Variants in SGK3 observed in about 807,000 individuals in gnomAD.
SGK3 encodes serine/threonine-protein kinase Sgk3.
In SGK3, 47 loss-of-function variants were observed where a neutral mutation model predicts 68.5. That is an observed-to-expected ratio of 0.69 (90% confidence interval 0.54 to 0.87). The LOEUF (loss-of-function observed/expected upper bound fraction) is 0.87. SGK3 is among the 40% of genes least tolerant of loss of function. The pLI is 0.00. For missense variants in SGK3, 479 were observed against 575.5 expected (o/e 0.83, Z 1.72); for synonymous variants, 181 against 189.1 (o/e 0.96, Z 0.35).
At position 66,798,586 on chromosome 8, in the gene SGK3, C is replaced by T. The variant is rs753482896; in HGVS notation, c.141C>T (p.Val47=). The T allele has an allele frequency of 3.7e-6, 6 of 1,611,218 alleles. No individual in the cohort carries two copies. In the Admixed American group the frequency reaches 5.0e-5, roughly 13 times the overall value. ...LVSVGRSEWF[V]FRRYAEFDKL... Reference sequence around the variant, plus strand: ...CAGTGGGAAGAAGTGAATGGTTTGTCTTCAGGAGATATGCAGAGTTTGATA... The same window carrying T: ...CAGTGGGAAGAAGTGAATGGTTTGTTTTCAGGAGATATGCAGAGTTTGATA... The change falls in exon 3 of 17, where the codon GTC becomes GTT. Residue 47 remains valine (V), a synonymous_variant. Transcript: ENST00000521198.
At chr8:66,762,662 TTAGTC>T (rs1806209933) in intron 1 of SGK3, among the ~76,000 whole-genome samples, 1 of 152,236 alleles carries the variant, frequency 6.6e-6, no homozygotes, top group Non-Finnish European at 1.5e-5. Context: ...TTTTAGTTGT[TTAGTC>T]TAATCAAGAT....
intron 14 of SGK3, among the ~76,000 whole-genome samples, chr8:66,846,792 A>G (rs1176381053): frequency 6.6e-6 from 1 of 152,192 alleles, no homozygotes; most frequent in African/African-American, 2.4e-5. Context: ...CATCTCTACT[A>G]GAAATCCCTT....
intron 3 of SGK3, among the ~76,000 whole-genome samples, chr8:66,800,947 T>A (rs971861395): frequency 1.3e-5 from 2 of 152,172 alleles, no homozygotes; most frequent in African/African-American, 4.8e-5. Flanking sequence ...ACCATGCCAC[T>A]ACACCCTTGA....
chr8:66,822,611 A>G (rs1170416165), intron 6 of SGK3, 152 bp downstream of exon 6: 1 of 572,232 alleles, frequency 1.7e-6, no homozygotes, highest in South Asian at 3.0e-5. Flanking sequence ...TATACCTCTT[A>G]CAGATCACTA....
intron 6 of SGK3, among the ~76,000 whole-genome samples, chr8:66,823,120 T>C (rs1202232552): frequency 1.3e-5 from 2 of 152,364 alleles, no homozygotes; most frequent in Middle Eastern, 3.4e-3. Context: ...AATTACTTAA[T>C]TTTAATTATG....
chr8:66,797,730 G>A lies in SGK3; in HGVS notation c.97-812G>A, dbSNP rs76193989. ...CAATTGAAGGTTTTTTATGTAGCAAGTATCACTTTTGAAAATACTTTGTAA... is the reference window on the plus strand; with the variant it reads ...CAATTGAAGGTTTTTTATGTAGCAAATATCACTTTTGAAAATACTTTGTAA... On this transcript the variant is annotated intron_variant, in intron 2 of 16. Coordinates refer to ENST00000521198, the MANE Select transcript of SGK3 (RefSeq NM_001033578.3). 4.3e-3 allele frequency among the ~76,000 whole-genome samples: 658 copies of A among 152,260 alleles called. 7 individuals are homozygous for A. The highest frequency in any genetic ancestry group is 0.015 in the African/African-American group (618 of 41,548).
At chr8:66,845,671 A>G (rs2130735781) in intron 14 of SGK3, among the ~76,000 whole-genome samples, 1 of 151,826 alleles carries the variant, frequency 6.6e-6, no homozygotes, top group South Asian at 2.1e-4. Context: ...GACTACAGGC[A>G]TGCACCACCC....
intron 5 of SGK3, among the ~76,000 whole-genome samples, chr8:66,814,487 C>T (rs973889823): frequency 1.3e-5 from 2 of 152,126 alleles, no homozygotes; most frequent in African/African-American, 4.8e-5. Flanking sequence ...GCTTTCCAGG[C>T]GTAACAGGAT....
chr8:66,847,627 C>T (rs189751417), intron 15 of SGK3, among the ~76,000 whole-genome samples: 9 of 152,270 alleles, frequency 5.9e-5, no homozygotes, highest in African/African-American at 2.2e-4. Context: ...TTCCCCTCCC[C>T]TTCTTTTTAA....
chr8:66,827,336 C>G (rs1236960358), intron 6 of SGK3, among the ~76,000 whole-genome samples: 2 of 142,882 alleles, frequency 1.4e-5, no homozygotes, highest in African/African-American at 5.2e-5. Context: ...GAGCCAAGAT[C>G]ATGCCACTGC....
At chr8:66,767,772 A>G (rs878918903) in intron 1 of SGK3, 3 of 1,578,026 alleles carry the variant, frequency 1.9e-6, no homozygotes, top group Admixed American at 1.7e-5. Context: ...TGAGGGGTCC[A>G]TTGGTCTTTA....
chr8:66,854,281 A>C (rs1160178134), intron 16 of SGK3, among the ~76,000 whole-genome samples: 1 of 152,258 alleles, frequency 6.6e-6, no homozygotes, highest in Non-Finnish European at 1.5e-5. Context: ...ATTTTGGAAA[A>C]GTATGAAAAC....
intron 1 of SGK3, among the ~76,000 whole-genome samples, chr8:66,746,157 G>A (rs552916645): frequency 5.9e-5 from 9 of 152,178 alleles, no homozygotes; most frequent in Non-Finnish European, 1.2e-4. Flanking sequence ...CCTTTTCTCC[G>A]ATTCTGCAGA....
At chr8:66,840,727 A>G in intron 12 of SGK3, 2 of 222,820 alleles carry the variant, frequency 9.0e-6, no homozygotes, top group Non-Finnish European at 1.7e-5. Flanking sequence ...GGAGGCCAAG[A>G]TGGGTGGATC....
intron 13 of SGK3, among the ~76,000 whole-genome samples, chr8:66,841,373 G>T (rs983844797): frequency 1.3e-5 from 2 of 152,008 alleles, no homozygotes; most frequent in Admixed American, 6.6e-5. Flanking sequence ...TTTACCTTAG[G>T]CTTCTTTATG....
chr8:66,815,781 G>A (rs1808550644), intron 5 of SGK3, among the ~76,000 whole-genome samples: 1 of 152,086 alleles, frequency 6.6e-6, no homozygotes, highest in South Asian at 2.1e-4. Flanking sequence ...GGATCTTGAT[G>A]TGCAGTATTA....
chr8:66,786,002 C>A (rs966891983), intron 1 of SGK3, among the ~76,000 whole-genome samples: 1 of 152,212 alleles, frequency 6.6e-6, no homozygotes, highest in African/African-American at 2.4e-5. Flanking sequence ...TTTTAATCCC[C>A]ATGAATGACA....
At chr8:66,823,369 CAG>C (rs974779452) in intron 6 of SGK3, among the ~76,000 whole-genome samples, 4 of 150,716 alleles carry the variant, frequency 2.7e-5, no homozygotes, top group African/African-American at 9.8e-5. Flanking sequence ...GTGTTCCTAA[CAG>C]AGAATAGGGT....
At chr8:66,806,199 T>TC (rs1290329416) in intron 4 of SGK3, among the ~76,000 whole-genome samples, 1 of 152,182 alleles carries the variant, frequency 6.6e-6, no homozygotes, top group African/African-American at 2.4e-5. Context: ...TTCTTTCTTT[T>TC]TTTTCCCCCC....
Sources: gnomAD v4.1 joint callset for allele counts (sites outside exome capture counted in the v4.1 genomes callset) on GRCh38, gnomAD v4.1.1 for gene constraint, MANE v1.5 for transcripts, NCBI Gene and HGNC (gene_info 2026-07-23, HGNC 2026-07-21) for gene names.